RTN4: variants seen among roughly 807,000 people sequenced by gnomAD.
The protein encoded by RTN4 is reticulon 4, also known as reticulon-4.
In RTN4, 32 loss-of-function variants were observed where a neutral mutation model predicts 90.4. That is an observed-to-expected ratio of 0.35 (90% CI 0.27 to 0.48). RTN4 has a LOEUF of 0.48. Ranked by LOEUF, RTN4 falls within the 20% of genes least tolerant of loss-of-function variation. RTN4 has a pLI of 0.99. For missense variants in RTN4, 1,706 were observed against 1,430.2 expected, an observed-to-expected ratio of 1.19 and a Z score of -3.11; for synonymous variants, 629 against 552.5, an observed-to-expected ratio of 1.14 and a Z score of -1.94.
chr2:55,025,284 A>G lies in RTN4; in HGVS notation c.2815T>C (p.Ser939Pro), dbSNP rs1442380570. 6.2e-7 allele frequency: 1 copy of G among 1,613,768 alleles called. No homozygotes were observed. The highest frequency in any genetic ancestry group is 8.5e-7 in the Non-Finnish European group (1 of 1,179,876). The change falls in exon 3 of 9, where the codon TCT (serine) becomes CCT (proline). Residue 939 changes from serine to proline, a missense_variant. Ser to Pro is a moderately conservative substitution (Grantham distance 74). Transcript: ENST00000337526. ...EEKISFSDDF[S>P]KNGSATSKVL... ...TTTGATGTAGCAGACCCATTTTTAGAAAAGTCATCTGAGAAACTGATTTTC... is the reference window on the plus strand; with the variant it reads ...TTTGATGTAGCAGACCCATTTTTAGGAAAGTCATCTGAGAAACTGATTTTC...
At chr2:55,000,629 G>A (rs1679788715) in intron 3 of RTN4, among the ~76,000 whole-genome samples, 1 of 152,102 alleles carries the variant, frequency 6.6e-6, no homozygotes, top group African/African-American at 2.4e-5. Context: ...TTACATATGT[G>A]ATGCAAATGT....
At chr2:55,066,631 T>A (rs1403458172) in intron 2 of RTN4, among the ~76,000 whole-genome samples, 1 of 151,658 alleles carries the variant, frequency 6.6e-6, no homozygotes, top group Non-Finnish European at 1.5e-5. Context: ...GAAGCGGAGG[T>A]TGCAGTGAGC....
Position 54,972,295 on chromosome 2 carries a change from G to GTAAT in RTN4, c.*857_*860dup, listed in dbSNP as rs922485104. On this transcript the variant is annotated 3_prime_UTR_variant, in exon 9 of 9. Coordinates refer to ENST00000337526, the MANE Select transcript of RTN4 (RefSeq NM_020532.5). ...CCACAATGGTATAAATCTTCATTTT[G>GTAAT]TAATTAATAATTTCTTGCATAACAA... is the stretch of plus-strand genomic sequence containing the variant. 6.6e-6 allele frequency: 1 copy of GTAAT among 152,606 alleles called. No individual in the cohort carries two copies. Among genetic ancestry groups the GTAAT allele is most frequent in the Admixed American group, 6.5e-5 (1 of 15,276 alleles). 9.5% of individuals were successfully genotyped at this position (152,606 alleles called of 1,614,324 possible).
chr2:54,982,207 C>T (rs1382452537), intron 5 of RTN4, among the ~76,000 whole-genome samples: 4 of 151,928 alleles, frequency 2.6e-5, no homozygotes, highest in Admixed American at 1.3e-4. Context: ...CCACCCGCCT[C>T]GGCCTCCCAA....
At chr2:55,037,422 G>A (rs1682767682) in intron 1 of RTN4, among the ~76,000 whole-genome samples, 1 of 152,210 alleles carries the variant, frequency 6.6e-6, no homozygotes, top group Non-Finnish European at 1.5e-5. Context: ...TAGCAGCCAT[G>A]CTTATTATAT....
intron 1 of RTN4, among the ~76,000 whole-genome samples, chr2:55,093,486 G>C (rs1446853899): frequency 1.3e-5 from 2 of 151,908 alleles, no homozygotes; most frequent in Non-Finnish European, 2.9e-5. Flanking sequence ...CGCCAGAAAG[G>C]TGTTTATTAT....
upstream of RTN4, among the ~76,000 whole-genome samples, chr2:55,054,652 A>C (rs981447949): frequency 1.3e-5 from 2 of 152,166 alleles, no homozygotes; most frequent in African/African-American, 4.8e-5. Context: ...GTTCGGTAAG[A>C]GAAGAAAGAT....
At chr2:54,996,010 A>AG (rs1679398663) in intron 3 of RTN4, among the ~76,000 whole-genome samples, 2 of 152,226 alleles carry the variant, frequency 1.3e-5, no homozygotes, top group African/African-American at 2.4e-5. Context: ...AATGAATGAG[A>AG]GTCCAGCAAG....
rs141357857 is a variant in RTN4, at chr2:55,026,674, A to C, written c.1425T>G (p.Ile475Met). 1.2e-6 allele frequency: 2 copies of C among 1,613,584 alleles called. No individual in the cohort carries two copies. Among genetic ancestry groups the C allele is most frequent in the African/African-American group, 2.7e-5 (2 of 74,952 alleles). ...CTAACAAAGGAAAAATGTTTGTTGC[A>C]ATGCTCTCAGTTGCTGCTGGGTTAA... ...APFNPAATES[I>M]ATNIFPLLGD... The change falls in exon 3 of 9, where the codon ATT becomes ATG. Residue 475 changes from isoleucine to methionine, a missense_variant. Ile to Met is a conservative substitution (Grantham distance 10). Transcript: ENST00000337526.
intron 1 of RTN4, among the ~76,000 whole-genome samples, chr2:55,084,555 G>A (rs895055094): frequency 4.6e-5 from 7 of 152,174 alleles, no homozygotes; most frequent in African/African-American, 1.7e-4. Flanking sequence ...CCTCTGATTT[G>A]TAACCAAGTC....
chr2:55,046,815 C>T (rs775629157), intron 1 of RTN4: 1 of 152,134 alleles, frequency 6.6e-6, no homozygotes, highest in African/African-American at 2.4e-5. Flanking sequence ...CTTACACTTA[C>T]TAAAAAAACT....
chr2:55,015,563 T>G (rs1680970636), intron 3 of RTN4, among the ~76,000 whole-genome samples: 1 of 151,530 alleles, frequency 6.6e-6, no homozygotes, highest in Non-Finnish European at 1.5e-5. Flanking sequence ...GGGCAAAGAG[T>G]ATGAACAAGC....
At chr2:55,023,960 A>C (rs1486673319) in intron 3 of RTN4, among the ~76,000 whole-genome samples, 2 of 152,116 alleles carry the variant, frequency 1.3e-5, no homozygotes, top group Non-Finnish European at 2.9e-5. Flanking sequence ...TTTAATTTCT[A>C]TCTCTAAGCC....
chr2:55,049,339 C>T (rs899640837), intron 1 of RTN4: 2 of 235,350 alleles, frequency 8.5e-6, no homozygotes, highest in Non-Finnish European at 1.5e-5. Context: ...AAAAGCACCT[C>T]CTAAAAATAT....
At chr2:55,022,963 C>T (rs1681560116) in intron 3 of RTN4, among the ~76,000 whole-genome samples, 1 of 151,304 alleles carries the variant, frequency 6.6e-6, no homozygotes, top group Non-Finnish European at 1.5e-5. Flanking sequence ...CTTTCTCTCC[C>T]CTACTTTGAC....
chr2:55,029,218 A>C (rs575646173), intron 1 of RTN4, among the ~76,000 whole-genome samples: 7 of 152,196 alleles, frequency 4.6e-5, no homozygotes, highest in Admixed American at 1.3e-4. Context: ...CTCAAAAAGA[A>C]ATCTACCTTG....
intron 1 of RTN4, among the ~76,000 whole-genome samples, chr2:55,097,273 G>A (rs997823594): frequency 6.8e-6 from 1 of 146,574 alleles, no homozygotes; most frequent in Non-Finnish European, 1.5e-5. Flanking sequence ...CTGCACTCCA[G>A]CCTGGATGAC....
intron 4 of RTN4, among the ~76,000 whole-genome samples, chr2:54,983,804 G>A (rs183614176): frequency 6.6e-6 from 1 of 152,280 alleles, no homozygotes; most frequent in Non-Finnish European, 1.5e-5. Context: ...TAGAAGACCT[G>A]CCACTACCTA....
chr2:55,043,454 A>G (rs542654679), intron 1 of RTN4, among the ~76,000 whole-genome samples: 1 of 152,316 alleles, frequency 6.6e-6, no homozygotes, highest in South Asian at 2.1e-4. Context: ...GCTTGAAGGT[A>G]TATTATGAAA....
Sources: gnomAD v4.1 joint callset for allele counts (sites outside exome capture counted in the v4.1 genomes callset) on GRCh38, gnomAD v4.1.1 for gene constraint, MANE v1.5 for transcripts, NCBI Gene and HGNC (gene_info 2026-07-23, HGNC 2026-07-21) for gene names.